Variants in DLGAP1 observed in about 807,000 individuals in gnomAD.
DLGAP1 encodes the protein DLG associated protein 1.
A neutral mutation model predicts 90.8 loss-of-function variants in DLGAP1; 11 were observed. That is an observed-to-expected ratio of 0.12 (90% CI 0.08 to 0.20). The LOEUF (loss-of-function observed/expected upper bound fraction) is 0.20, where lower values mean the gene tolerates loss of function less well. DLGAP1 is among the 10% of genes least tolerant of loss of function. The pLI is 1.00. For synonymous variants in DLGAP1, 558 were observed against 540.7 expected, an observed-to-expected ratio of 1.03 and a Z score of -0.44; for missense variants, 1,050 against 1,333.8, an observed-to-expected ratio of 0.79 and a Z score of 3.31.
rs191584832 is a variant in DLGAP1 at position 3,906,580 on chromosome 18, A to G, written c.-72-26440T>C. Among the ~76,000 whole-genome samples the G allele has an allele frequency of 3.3e-5, 5 of 152,360 alleles. No homozygotes were observed. The East Asian group carries it at 7.7e-4, about 23-fold the overall frequency. ...TTGAAATTATAATTACGTAATTTAA[A>G]TGTTACAAAAAGTGCTGAAATATGA... On this transcript the variant is annotated intron_variant, in intron 3 of 12. Coordinates refer to ENST00000315677, the MANE Select transcript of DLGAP1 (RefSeq NM_004746.4).
chr18:4,091,791 C>A (rs1314345927), intron 2 of DLGAP1, among the ~76,000 whole-genome samples: 1 of 152,110 alleles, frequency 6.6e-6, no homozygotes, highest in Non-Finnish European at 1.5e-5. Context: ...TCCAATGGAT[C>A]CTTTAACATA....
At chr18:3,779,163 TCTC>T in intron 5 of DLGAP1, among the ~76,000 whole-genome samples, 1 of 152,164 alleles carries the variant, frequency 6.6e-6, no homozygotes, top group South Asian at 2.1e-4. Flanking sequence ...CTGGTAGAGT[TCTC>T]CTGTCCTGTC....
intron 7 of DLGAP1, chr18:3,655,559 T>G (rs1008703683): frequency 6.6e-6 from 1 of 152,392 alleles, no homozygotes; most frequent in African/African-American, 2.4e-5. Context: ...TGGTCTTCAC[T>G]ATGCCTCATA....
rs559423689 is a variant in DLGAP1 at position 3,949,825 on chromosome 18, C to T, written c.-73+55291G>A. The stretch of plus-strand genomic sequence containing the variant: ...GGTGAGATGTTAGTAATGATTACAC[C>T]AAATAGCATAAATCACACTGGAAAA... On this transcript the variant is annotated intron_variant, in intron 3 of 12. Transcript: ENST00000315677. 1.4e-3 allele frequency among the ~76,000 whole-genome samples: 209 copies of T among 152,184 alleles called. 1 individual carries two copies. Among genetic ancestry groups the T allele is most frequent in the African/African-American group, 5.0e-3 (206 of 41,528 alleles).
At chr18:3,689,232 G>T (rs1415097079) in intron 7 of DLGAP1, among the ~76,000 whole-genome samples, 1 of 152,238 alleles carries the variant, frequency 6.6e-6, no homozygotes, top group Non-Finnish European at 1.5e-5. Flanking sequence ...CTCTGCTCAT[G>T]TTAAAACCAA....
intron 1 of DLGAP1, among the ~76,000 whole-genome samples, chr18:4,179,392 GT>G (rs1253943760): frequency 6.6e-6 from 1 of 152,154 alleles, no homozygotes; most frequent in Non-Finnish European, 1.5e-5. Flanking sequence ...AATAGAGCTA[GT>G]TTCTGCTTAC....
intron 9 of DLGAP1, among the ~76,000 whole-genome samples, chr18:3,554,920 T>A (rs2053665424): frequency 6.6e-6 from 1 of 152,228 alleles, no homozygotes; most frequent in Non-Finnish European, 1.5e-5. Flanking sequence ...CAATTTTCTT[T>A]CTTTTTCTCA....
At chr18:3,730,815 C>T (rs897137788) in intron 6 of DLGAP1, among the ~76,000 whole-genome samples, 1 of 152,182 alleles carries the variant, frequency 6.6e-6, no homozygotes, top group African/African-American at 2.4e-5. Flanking sequence ...ATGCTATTTT[C>T]ACAGTCTTTA....
intron 4 of DLGAP1, among the ~76,000 whole-genome samples, chr18:3,859,699 G>T (rs1174058247): frequency 6.6e-6 from 1 of 152,110 alleles, no homozygotes; most frequent in Non-Finnish European, 1.5e-5. Flanking sequence ...CAAGAAAAGG[G>T]TGTCTTCTCT....
intron 3 of DLGAP1, among the ~76,000 whole-genome samples, chr18:3,964,101 T>C (rs1380631961): frequency 6.6e-6 from 1 of 152,156 alleles, no homozygotes; most frequent in Non-Finnish European, 1.5e-5. Context: ...GAGGAGTGGG[T>C]TAAGATGATG....
chr18:3,583,841 G>T (rs917433665), intron 7 of DLGAP1, among the ~76,000 whole-genome samples: 5 of 152,172 alleles, frequency 3.3e-5, no homozygotes, highest in Non-Finnish European at 7.3e-5. Flanking sequence ...CCAGCCACTT[G>T]GGAGACTGAG....
At chr18:3,633,822 A>G (rs1273838193) in intron 7 of DLGAP1, among the ~76,000 whole-genome samples, 2 of 152,236 alleles carry the variant, frequency 1.3e-5, no homozygotes, top group African/African-American at 4.8e-5. Flanking sequence ...GAGTCAGTGT[A>G]AGAACGTAAG....
intron 1 of DLGAP1, among the ~76,000 whole-genome samples, chr18:4,178,254 CAT>C (rs1555755494): frequency 1.5e-5 from 2 of 129,842 alleles, no homozygotes; most frequent in African/African-American, 5.9e-5. Context: ...CACACACACA[CAT>C]TAGAGATAGG....
At chr18:4,147,831 C>T (rs1048753566) in intron 2 of DLGAP1, among the ~76,000 whole-genome samples, 11 of 152,198 alleles carry the variant, frequency 7.2e-5, no homozygotes, top group African/African-American at 2.7e-4. Flanking sequence ...TGTGATCAGT[C>T]TTTGACTCAA....
At chr18:3,858,545 C>CACACAT (rs1555694831) in intron 4 of DLGAP1, among the ~76,000 whole-genome samples, 4 of 149,470 alleles carry the variant, frequency 2.7e-5, no homozygotes, top group Non-Finnish European at 5.9e-5. Context: ...CACACACACA[C>CACACAT]ATATATATAT....
At chr18:3,897,958 C>T (rs2071679515) in intron 3 of DLGAP1, among the ~76,000 whole-genome samples, 1 of 151,430 alleles carries the variant, frequency 6.6e-6, no homozygotes, top group Admixed American at 6.6e-5. Flanking sequence ...CCGCGCCCGG[C>T]TAATTTTTTG....
At chr18:4,377,025 A>G (rs1018219395) in intron 1 of DLGAP1, among the ~76,000 whole-genome samples, 2 of 152,204 alleles carry the variant, frequency 1.3e-5, no homozygotes, top group African/African-American at 4.8e-5. Flanking sequence ...TTGAATAGAA[A>G]GAATTGTTCA....
chr18:3,999,533 A>T (rs1051179819), intron 3 of DLGAP1, among the ~76,000 whole-genome samples: 1 of 152,154 alleles, frequency 6.6e-6, no homozygotes, highest in Non-Finnish European at 1.5e-5. Flanking sequence ...CTCTTTTCCT[A>T]TGTGGTCAAT....
At chr18:4,049,755 G>A (rs745709519) in intron 2 of DLGAP1, among the ~76,000 whole-genome samples, 6 of 152,072 alleles carry the variant, frequency 3.9e-5, no homozygotes, top group Non-Finnish European at 8.8e-5. Flanking sequence ...CTTAGACTAG[G>A]TTTTTACTTT....
Sources: gnomAD v4.1 joint callset for allele counts (sites outside exome capture counted in the v4.1 genomes callset) on GRCh38, gnomAD v4.1.1 for gene constraint, MANE v1.5 for transcripts, NCBI Gene and HGNC (gene_info 2026-07-23, HGNC 2026-07-21) for gene names.